Variants in CLEC16A observed in about 807,000 individuals in gnomAD.
The protein encoded by CLEC16A is C-type lectin domain containing 16A, also known as protein CLEC16A.
CLEC16A carries 51 observed loss-of-function variants against 109.5 expected under a neutral mutation model. The ratio of observed to expected loss-of-function variants is 0.47; its 90% CI spans 0.37 to 0.59. The LOEUF (loss-of-function observed/expected upper bound fraction) is 0.59. Ranked by LOEUF, CLEC16A falls within the 20% of genes least tolerant of loss-of-function variation. CLEC16A has a pLI of 0.00. For synonymous variants in CLEC16A, 673 were observed against 564.2 expected (o/e 1.19, Z -2.73); for missense variants, 1,339 against 1,394.0 (o/e 0.96, Z 0.63).
chr16:10,962,031 C>A (rs1054498073), intron 2 of CLEC16A, among the ~76,000 whole-genome samples: 1 of 148,112 alleles, frequency 6.8e-6, no homozygotes, highest in Non-Finnish European at 1.5e-5. Flanking sequence ...TATCTCACTG[C>A]AGCCTTGAAC....
At chr16:11,110,195 C>T (rs2051490336) in intron 19 of CLEC16A, among the ~76,000 whole-genome samples, 1 of 152,216 alleles carries the variant, frequency 6.6e-6, no homozygotes, top group African/African-American at 2.4e-5. Flanking sequence ...AGCTTCCTTC[C>T]ATCCCATCCA....
chr16:11,004,589 C>G (rs539344825), intron 11 of CLEC16A, among the ~76,000 whole-genome samples: 192 of 152,310 alleles, frequency 1.3e-3, no homozygotes, highest in African/African-American at 4.5e-3. Flanking sequence ...AGCTGTAACA[C>G]AGAGCCACTC....
At chr16:11,084,658 G>A (rs1305888033) in intron 19 of CLEC16A, among the ~76,000 whole-genome samples, 1 of 152,158 alleles carries the variant, frequency 6.6e-6, no homozygotes, top group African/African-American at 2.4e-5. Flanking sequence ...CCCAGCATTA[G>A]TCTTCTGAAC....
In CLEC16A at chr16:11,060,791, C is replaced by T. The variant is rs187375539; in HGVS notation, c.1996-111C>T. 1.3e-3 allele frequency: 1,431 copies of T among 1,144,074 alleles called. 5 individuals are homozygous for T. Among genetic ancestry groups the T allele is most frequent in the Admixed American group, 4.0e-3 (139 of 34,812 alleles). 70.9% of individuals were successfully genotyped at this position (1,144,074 alleles called of 1,614,324 possible). On this transcript the variant is annotated intron_variant, in intron 18 of 23. Coordinates refer to ENST00000409790, the MANE Select transcript of CLEC16A (RefSeq NM_015226.3). Reference sequence around the variant, plus strand: ...ACACCCGAAGAGGTGGGCTTTATTGCGTTTCTTTCTTTTTTAATAGAGAGT... The same window carrying T: ...ACACCCGAAGAGGTGGGCTTTATTGTGTTTCTTTCTTTTTTAATAGAGAGT...
chr16:11,022,949 A>G (rs540977060), intron 12 of CLEC16A, among the ~76,000 whole-genome samples: 1 of 149,724 alleles, frequency 6.7e-6, no homozygotes, highest in South Asian at 2.1e-4. Flanking sequence ...AAGAAACTTA[A>G]AGCTTTCGAA....
Position 11,060,926 on chromosome 16 carries a change from C to A in CLEC16A, c.2020C>A (p.Arg674Ser). 6.2e-7 allele frequency: 1 copy of A among 1,612,010 alleles called. No individual in the cohort carries two copies. Among genetic ancestry groups the A allele is most frequent in the Non-Finnish European group, 8.5e-7 (1 of 1,179,052 alleles). ...GGCCATCCGGGTGTTCTTCATGCTG[C>A]GTTCCCTGTCACTGCAATTGCGAGG... ...RRAIRVFFML[R>S]SLSLQLRGEP... The change falls in exon 19 of 24, where the codon CGT (arginine) becomes AGT (serine). Residue 674 changes from arginine to serine, a missense_variant. By Grantham distance (110) the Arg-to-Ser change is moderately radical. This residue lies in a region of CLEC16A where 1,061 missense variants were observed against 1,006.8 expected (regional missense o/e 1.05). Transcript: ENST00000409790.
intron 10 of CLEC16A, among the ~76,000 whole-genome samples, chr16:10,986,731 ATG>A (rs59931468): frequency 9.0e-4 from 135 of 150,176 alleles, no homozygotes; most frequent in East Asian, 8.2e-3. Context: ...TTAAGGCTCA[ATG>A]TGTGTGTGTG....
chr16:11,022,902 A>AATATAT (rs3029840), intron 12 of CLEC16A, among the ~76,000 whole-genome samples: 124 of 143,050 alleles, frequency 8.7e-4, no homozygotes, highest in Middle Eastern at 3.6e-3. Context: ...CCATCTCAAA[A>AATATAT]ATATATATAT....
intron 6 of CLEC16A, 48 bp downstream of exon 6, chr16:10,972,607 T>C (rs779113293): frequency 1.2e-5 from 18 of 1,527,296 alleles, no homozygotes; most frequent in Non-Finnish European, 1.4e-5. Flanking sequence ...TACCCTTATA[T>C]GTAAATACCT....
intron 1 of CLEC16A, among the ~76,000 whole-genome samples, chr16:10,953,203 G>A (rs114646614): frequency 6.6e-6 from 1 of 152,240 alleles, no homozygotes; most frequent in Non-Finnish European, 1.5e-5. Flanking sequence ...AATGAAACTG[G>A]AGTATCCAGA....
chr16:11,055,700 G>A (rs2048179435), intron 18 of CLEC16A, among the ~76,000 whole-genome samples: 1 of 137,236 alleles, frequency 7.3e-6, no homozygotes, highest in South Asian at 2.5e-4. Context: ...TGATTCTCCT[G>A]CCTCAGCCTC....
intron 19 of CLEC16A, among the ~76,000 whole-genome samples, chr16:11,092,122 G>A (rs1397807460): frequency 6.6e-6 from 1 of 152,126 alleles, no homozygotes; most frequent in Non-Finnish European, 1.5e-5. Flanking sequence ...CAGGTGGACA[G>A]ATCACTTGAG....
chr16:11,154,444 C>CGTTTA (rs2153082410), intron 22 of CLEC16A, among the ~76,000 whole-genome samples: 1 of 152,254 alleles, frequency 6.6e-6, no homozygotes, highest in South Asian at 2.1e-4. Flanking sequence ...TCATATAAAT[C>CGTTTA]CTTTAAACCT....
intron 1 of CLEC16A, among the ~76,000 whole-genome samples, chr16:10,950,710 C>T (rs950055552): frequency 5.9e-5 from 9 of 152,214 alleles, no homozygotes; most frequent in African/African-American, 1.4e-4. Flanking sequence ...CACTGGGGAA[C>T]GTCTGCAGGG....
intron 13 of CLEC16A, among the ~76,000 whole-genome samples, chr16:11,038,331 C>A (rs1223662446): frequency 6.6e-6 from 1 of 152,144 alleles, no homozygotes; most frequent in Non-Finnish European, 1.5e-5. Context: ...CACCTTTCCC[C>A]CTTTTGTAGA....
At chr16:11,082,036 AAAG>A (rs1271111277) in intron 19 of CLEC16A, among the ~76,000 whole-genome samples, 3 of 152,316 alleles carry the variant, frequency 2.0e-5, no homozygotes, top group Admixed American at 6.5e-5. Context: ...CGTCTAAAAA[AAAG>A]AAGAATATTG....
chr16:10,965,695 G>A (rs568880682), intron 3 of CLEC16A, among the ~76,000 whole-genome samples: 4 of 152,320 alleles, frequency 2.6e-5, no homozygotes, highest in South Asian at 4.1e-4. Context: ...CTGAGATTAC[G>A]TACAGGCTCC....
intron 19 of CLEC16A, among the ~76,000 whole-genome samples, chr16:11,113,749 A>C (rs1454983464): frequency 1.3e-5 from 2 of 152,152 alleles, no homozygotes; most frequent in Non-Finnish European, 2.9e-5. Flanking sequence ...GGCTCTCTTG[A>C]ACTCTCTGGA....
At chr16:10,966,901 A>G (rs2042538114) in intron 3 of CLEC16A, among the ~76,000 whole-genome samples, 1 of 152,200 alleles carries the variant, frequency 6.6e-6, no homozygotes, top group Non-Finnish European at 1.5e-5. Flanking sequence ...TATCATACAT[A>G]TATGTGTGTG....
Sources: gnomAD v4.1 joint callset for allele counts (sites outside exome capture counted in the v4.1 genomes callset) on GRCh38, gnomAD v4.1.1 for gene constraint, gnomAD v4.1.1 regional missense constraint, MANE v1.5 for transcripts, NCBI Gene and HGNC (gene_info 2026-07-23, HGNC 2026-07-21) for gene names.